The following SLCO5A1 variants were observed in gnomAD, a reference collection of about 807,000 sequenced individuals.
SLCO5A1 encodes the protein organic anion transporter polypeptide-related protein 4.
Under a neutral mutation model 65.1 loss-of-function variants are expected in SLCO5A1, and 39 were observed. That is an observed-to-expected ratio of 0.60 (90% confidence interval 0.46 to 0.78). The LOEUF is 0.78. SLCO5A1 is among the 30% of genes least tolerant of loss of function. The pLI, the probability that SLCO5A1 is intolerant of heterozygous loss-of-function variation, is 0.00. For synonymous variants in SLCO5A1, 438 were observed against 415.7 expected, an observed-to-expected ratio of 1.05 and a Z score of -0.65; for missense variants, 1,029 against 1,069.4, an observed-to-expected ratio of 0.96 and a Z score of 0.53.
chr8:69,822,899 T>A (rs1208640889), intron 2 of SLCO5A1, among the ~76,000 whole-genome samples: 3 of 152,172 alleles, frequency 2.0e-5, no homozygotes, highest in African/African-American at 7.2e-5. Context: ...CCCTTCTCTG[T>A]CATGTGAAGT....
At chr8:69,784,827 G>GAAAGAA (rs1429142725) in intron 2 of SLCO5A1, among the ~76,000 whole-genome samples, 5 of 123,506 alleles carry the variant, frequency 4.0e-5, no homozygotes, top group African/African-American at 1.4e-4. Flanking sequence ...AAGAAAGAAA[G>GAAAGAA]AAAGAAAGAA....
chr8:69,806,701 C>T (rs539706518), intron 2 of SLCO5A1, among the ~76,000 whole-genome samples: 11 of 152,312 alleles, frequency 7.2e-5, no homozygotes, highest in African/African-American at 2.4e-4. Context: ...AACCTTGGCT[C>T]CAGTTTATTA....
rs765970385 is a variant in SLCO5A1 at position 69,832,280 on chromosome 8, C to T, written c.394G>A (p.Val132Met). ...VVLTDSRCFL[V>M]CMCFLTFIQA... ...ATGAAGGTCAGAAAGCACATGCACA[C>T]CAGGAAGCAACGGGAATCCGTGAGG... Residue 132 changes from valine to methionine, a missense_variant, in exon 2 of 10, where the codon GTG (valine) becomes ATG (methionine). Around this residue, in one of 3 missense-constraint regions of SLCO5A1, gnomAD observed 647 missense variants for 647.5 expected, o/e 1.00. Coordinates refer to ENST00000260126, the MANE Select transcript of SLCO5A1 (RefSeq NM_030958.3). This position sits in a 1 kb window ranked among gnomAD's most constrained non-coding sequence, Gnocchi z 4.5. 6.2e-7 allele frequency: 1 copy of T among 1,614,196 alleles called. No homozygotes were observed. The highest frequency in any genetic ancestry group is 1.3e-5 in the African/African-American group (1 of 75,050).
In SLCO5A1 at chr8:69,761,869, A is replaced by T. The variant is rs1383331778; in HGVS notation, c.914T>A (p.Met305Lys). 1 of 1,612,214 alleles carries T rather than the reference A, an allele frequency of 6.2e-7. No individual in the cohort carries two copies. The highest frequency in any genetic ancestry group is 8.5e-7 in the Non-Finnish European group (1 of 1,179,712). Residue 305 changes from methionine (M) to lysine (K), a missense_variant, in exon 3 of 10, where the codon ATG becomes AAG. This residue lies in a region of SLCO5A1 where 647 missense variants were observed against 647.5 expected (regional missense o/e 1.00). Transcript: ENST00000260126. ...AGGGCCAAGTGCTCCCATGACATAC[A>T]TGATGGCTGAGAAGACAGAAGGGGA... The part of the protein sequence containing the change: ...KENSSLYLAI[M>K]YVMGALGPAV...
At chr8:69,753,272 G>C (rs1009264095) in intron 4 of SLCO5A1, among the ~76,000 whole-genome samples, 1 of 152,190 alleles carries the variant, frequency 6.6e-6, no homozygotes, top group Non-Finnish European at 1.5e-5. Context: ...CCCAAGAGGG[G>C]CAGGAGCTGC....
At chr8:69,821,805 CA>C (rs11284619) in intron 2 of SLCO5A1, among the ~76,000 whole-genome samples, 63,779 of 115,004 alleles carry the variant, frequency 0.55, 14,626 homozygotes, top group Middle Eastern at 0.61. Context: ...GACTTTGTCT[CA>C]AAAAAAAAAA....
At chr8:69,688,114 T>C (rs967290427) in intron 6 of SLCO5A1, among the ~76,000 whole-genome samples, 5 of 151,910 alleles carry the variant, frequency 3.3e-5, no homozygotes, top group Admixed American at 3.3e-4. Context: ...TAAAACGAAG[T>C]AAAACAAACA....
chr8:69,724,811 C>A (rs944255934), intron 5 of SLCO5A1, among the ~76,000 whole-genome samples: 5 of 152,182 alleles, frequency 3.3e-5, no homozygotes, highest in Admixed American at 6.5e-5. Flanking sequence ...TAAGAGGCCG[C>A]AGCAGGAGCT....
intron 2 of SLCO5A1, chr8:69,794,401 C>A: frequency 2.3e-6 from 1 of 442,628 alleles, no homozygotes; most frequent in Non-Finnish European, 4.4e-6. Context: ...AATTTAGACA[C>A]CATCAGGGTC....
intron 3 of SLCO5A1, among the ~76,000 whole-genome samples, chr8:69,757,049 A>C (rs1278161590): frequency 6.6e-6 from 1 of 152,166 alleles, no homozygotes; most frequent in East Asian, 1.9e-4. Context: ...ATCCATTGCA[A>C]AGTGAAAATT....
At chr8:69,704,313 G>C (rs558522626) in intron 6 of SLCO5A1, among the ~76,000 whole-genome samples, 5 of 152,300 alleles carry the variant, frequency 3.3e-5, no homozygotes, top group African/African-American at 1.2e-4. Flanking sequence ...GCACCTATTT[G>C]ATAGGTTATT....
rs552520614 is a variant in SLCO5A1 at position 69,743,995 on chromosome 8, A to G, written c.1259-5791T>C. On this transcript the variant is annotated intron_variant, in intron 4 of 9. Transcript: ENST00000260126. Reference sequence around the variant, plus strand: ...GTCTGCAGAGTGACTGTGGAGCTCAATGGCAATGGGCACATCCCTATCTGC... The same window carrying G: ...GTCTGCAGAGTGACTGTGGAGCTCAGTGGCAATGGGCACATCCCTATCTGC... Among the ~76,000 whole-genome samples the G allele has an allele frequency of 5.9e-5, 9 of 152,236 alleles. No individual in the cohort carries two copies. The South Asian group carries it at 6.2e-4, about 11-fold the overall frequency.
chr8:69,829,608 G>A (rs753134959), intron 2 of SLCO5A1, among the ~76,000 whole-genome samples: 6 of 152,138 alleles, frequency 3.9e-5, no homozygotes, highest in Non-Finnish European at 7.4e-5. Context: ...AATCTGGGAG[G>A]CAGAAGTTGC....
chr8:69,674,871 A>AAAC (rs1402057252), intron 9 of SLCO5A1, among the ~76,000 whole-genome samples: 2,294 of 12,112 alleles, frequency 0.19, 54 homozygotes, highest in East Asian at 0.38. Flanking sequence ...AAAAAAAAAC[A>AAAC]AAAAAAAAAA....
intron 2 of SLCO5A1, among the ~76,000 whole-genome samples, chr8:69,823,423 G>A (rs939903093): frequency 6.6e-6 from 1 of 152,136 alleles, no homozygotes; most frequent in African/African-American, 2.4e-5. Flanking sequence ...ATAAAAGGAT[G>A]GAGGAAGATC....
chr8:69,778,632 T>C (rs1818673152), intron 2 of SLCO5A1, among the ~76,000 whole-genome samples: 1 of 152,258 alleles, frequency 6.6e-6, no homozygotes, highest in Admixed American at 6.5e-5. Flanking sequence ...TAAACATATC[T>C]TTGGGAATTA....
chr8:69,743,001 C>T (rs758823431), intron 4 of SLCO5A1, among the ~76,000 whole-genome samples: 13 of 151,908 alleles, frequency 8.6e-5, no homozygotes, highest in Admixed American at 2.6e-4. Flanking sequence ...GGAGTTTCAC[C>T]ATGTTAGCCA....
At chr8:69,689,998 A>G (rs1007035061) in intron 6 of SLCO5A1, among the ~76,000 whole-genome samples, 1 of 151,288 alleles carries the variant, frequency 6.6e-6, no homozygotes, top group African/African-American at 2.4e-5. Flanking sequence ...ATTTGTTTGT[A>G]TCCTCTTTTA....
At chr8:69,764,847 A>G (rs1354096141) in intron 2 of SLCO5A1, among the ~76,000 whole-genome samples, 1 of 152,182 alleles carries the variant, frequency 6.6e-6, no homozygotes, top group Admixed American at 6.5e-5. Flanking sequence ...TCTTACACAC[A>G]CAGACAGGGA....
Sources: allele counts gnomAD v4.1 joint callset (sites outside exome capture counted in the v4.1 genomes callset), GRCh38; gene constraint gnomAD v4.1.1; regional missense constraint gnomAD v4.1.1; non-coding constraint Gnocchi (gnomAD v3.1); transcripts MANE v1.5; gene names NCBI Gene and HGNC (gene_info 2026-07-23, HGNC 2026-07-21).